Variants in COG7 observed in about 807,000 individuals in gnomAD.
The protein encoded by COG7 is conserved oligomeric Golgi complex subunit 7.
A neutral mutation model predicts 91.5 loss-of-function variants in COG7; 49 were observed. The observed-to-expected ratio is 0.54, with a 90% CI of 0.43 to 0.68. The LOEUF is 0.68. Ranked by LOEUF, COG7 falls within the 30% of genes least tolerant of loss-of-function variation. The pLI, the probability that COG7 is intolerant of heterozygous loss-of-function variation, is 0.00. For synonymous variants in COG7, 365 were observed against 388.7 expected, an observed-to-expected ratio of 0.94 and a Z score of 0.72; for missense variants, 895 against 961.3, an observed-to-expected ratio of 0.93 and a Z score of 0.91.
intron 16 of COG7, among the ~76,000 whole-genome samples, chr16:23,389,330 C>T (rs1426818881): frequency 6.6e-6 from 1 of 152,060 alleles, no homozygotes; most frequent in Non-Finnish European, 1.5e-5. Context: ...ACCAACATCA[C>T]TCCCATCCCC....
chr16:23,409,702 G>A (rs778626306), intron 11 of COG7, among the ~76,000 whole-genome samples: 1 of 152,166 alleles, frequency 6.6e-6, no homozygotes, highest in Non-Finnish European at 1.5e-5. Flanking sequence ...AGAGCCCCTT[G>A]AAGGGAAAAA....
In COG7 at chr16:23,395,255, T is replaced by C. The variant is rs573316099; in HGVS notation, c.1888-1908A>G. On this transcript the variant is annotated intron_variant, in intron 14 of 16. Coordinates refer to ENST00000307149, the MANE Select transcript of COG7 (RefSeq NM_153603.4). ...TACTGTAAATTTCAGCTTGAAGTGT[T>C]AACAAATTCATCATTTTTCCCCAAG... Among the ~76,000 whole-genome samples the C allele has an allele frequency of 1.2e-4, 19 of 152,344 alleles. No homozygotes were observed. The South Asian group carries it at 3.7e-3, about 30-fold the overall frequency.
intron 15 of COG7, 89 bp downstream of exon 15, chr16:23,393,144 T>C: frequency 1.1e-6 from 1 of 910,704 alleles, no homozygotes; most frequent in Non-Finnish European, 1.8e-6. Flanking sequence ...TGGTGACAAA[T>C]GAGCCCAAGG....
chr16:23,426,295 A>G (rs1337795270), intron 6 of COG7, among the ~76,000 whole-genome samples: 1 of 152,168 alleles, frequency 6.6e-6, no homozygotes, highest in Admixed American at 6.6e-5. Flanking sequence ...CTTCAAGAAA[A>G]CACTAGTAAG....
intron 8 of COG7, 107 bp from the exon 9 acceptor site, chr16:23,417,228 G>A (rs1963671593): frequency 6.6e-6 from 8 of 1,203,044 alleles, no homozygotes; most frequent in Admixed American, 1.8e-5. Context: ...ACTTAATAAC[G>A]ATGTCAGAAA....
intron 3 of COG7, 139 bp from the exon 4 acceptor site, chr16:23,442,784 C>T: frequency 1.3e-6 from 1 of 783,696 alleles, no homozygotes; most frequent in Non-Finnish European, 2.2e-6. Flanking sequence ...GCCTGTAATC[C>T]CAGCACTTTC....
intron 1 of COG7, among the ~76,000 whole-genome samples, chr16:23,451,327 G>A (rs956495188): frequency 2.6e-5 from 4 of 152,210 alleles, no homozygotes; most frequent in Admixed American, 6.5e-5. Context: ...TCAACACACA[G>A]TGAATCAACA....
At position 23,424,637 on chromosome 16, in the gene COG7, C is replaced by T. The variant is rs1011017760; in HGVS notation, c.1009+112G>A. 8 of 1,130,636 alleles carry T rather than the reference C, an allele frequency of 7.1e-6. No homozygotes were observed. The Admixed American group carries it at 8.7e-5, about 12-fold the overall frequency. The allele number at this position is 1,130,636 out of a possible 1,614,324, so 70.0% of individuals were successfully genotyped here. A position where few individuals can be genotyped will look rare whatever the true frequency, so the allele number is the denominator to read the frequency against. ...CTGCTGAGAAGGAAAACACCGATCC[C>T]TTCCATTTCTGTAAAATCAGTCATC... On this transcript the variant is annotated intron_variant, in intron 7 of 16. Transcript: ENST00000307149.
At chr16:23,419,649 T>C (rs1963719647) in intron 7 of COG7, among the ~76,000 whole-genome samples, 1 of 146,394 alleles carries the variant, frequency 6.8e-6, no homozygotes, top group South Asian at 2.2e-4. Flanking sequence ...CTCGGGAGGC[T>C]GAGGCAGGAG....
chr16:23,405,945 A>G, intron 12 of COG7, 131 bp downstream of exon 12: 1 of 808,094 alleles, frequency 1.2e-6, no homozygotes, highest in Non-Finnish European at 2.2e-6. Flanking sequence ...TAAATGAGAC[A>G]GAGAGGTAGT....
chr16:23,397,942 G>T, intron 14 of COG7, 104 bp downstream of exon 14: 1 of 989,954 alleles, frequency 1.0e-6, no homozygotes, highest in Non-Finnish European at 1.6e-6. Flanking sequence ...ACCCAAAAGG[G>T]TCAGATAGCA....
intron 1 of COG7, among the ~76,000 whole-genome samples, chr16:23,452,080 T>C (rs1964274271): frequency 2.6e-5 from 4 of 152,204 alleles, no homozygotes. Context: ...TGGAGTTGTT[T>C]TATCTTATAT....
chr16:23,428,025 A>G (rs1400539316), intron 6 of COG7, among the ~76,000 whole-genome samples: 1 of 152,052 alleles, frequency 6.6e-6, no homozygotes, highest in East Asian at 1.9e-4. Flanking sequence ...AAAAATACAA[A>G]AATTAGCCGG....
At chr16:23,389,288 G>A (rs182571171) in intron 16 of COG7, among the ~76,000 whole-genome samples, 43 of 152,092 alleles carry the variant, frequency 2.8e-4, no homozygotes, top group African/African-American at 7.0e-4. Flanking sequence ...AGCTTGGCTC[G>A]AGTCTAGGAA....
At chr16:23,409,397 G>C (rs1963527130) in intron 11 of COG7, among the ~76,000 whole-genome samples, 1 of 152,196 alleles carries the variant, frequency 6.6e-6, no homozygotes, top group African/African-American at 2.4e-5. Context: ...GCTTGGGCCA[G>C]ATATAGGGAG....
intron 7 of COG7, among the ~76,000 whole-genome samples, chr16:23,422,696 T>A (rs1963778187): frequency 6.6e-6 from 1 of 152,014 alleles, no homozygotes; most frequent in South Asian, 2.1e-4. Flanking sequence ...TTCCAAAAAA[T>A]TTTTAAGTTA....
chr16:23,415,705 C>T (rs969397989), intron 9 of COG7: 3 of 152,384 alleles, frequency 2.0e-5, no homozygotes, highest in East Asian at 3.9e-4. Flanking sequence ...CTTAATACCC[C>T]TCCTTCTTGA....
chr16:23,419,303 C>T (rs1428106333), intron 7 of COG7, among the ~76,000 whole-genome samples: 4 of 151,814 alleles, frequency 2.6e-5, no homozygotes, highest in Non-Finnish European at 4.4e-5. Flanking sequence ...CCCAGCTACT[C>T]GGGAGGCTGA....
chr16:23,406,017 G>A, intron 12 of COG7, 59 bp downstream of exon 12: 2 of 1,502,058 alleles, frequency 1.3e-6, no homozygotes, highest in Non-Finnish European at 1.9e-6. Flanking sequence ...GAGAGGGAGA[G>A]GGTGAGTGAT....
Sources: allele counts gnomAD v4.1 joint callset (sites outside exome capture counted in the v4.1 genomes callset), GRCh38; gene constraint gnomAD v4.1.1; transcripts MANE v1.5; gene names NCBI Gene and HGNC (gene_info 2026-07-23, HGNC 2026-07-21).